CPM: variants seen among roughly 807,000 people sequenced by gnomAD.
CPM encodes the protein carboxypeptidase M.
Under a neutral mutation model 46.4 loss-of-function variants are expected in CPM, and 35 were observed. That is an observed-to-expected ratio of 0.75 (90% CI 0.58 to 1.00). The LOEUF (loss-of-function observed/expected upper bound fraction) is 1.00, where lower values mean the gene tolerates loss of function less well. CPM is among the 50% of genes least tolerant of loss of function. The pLI, the probability that CPM is intolerant of heterozygous loss-of-function variation, is 0.00. For missense variants in CPM, 422 were observed against 530.4 expected (o/e 0.80, Z 2.01); for synonymous variants, 195 against 195.3 (o/e 1.00, Z 0.01).
chr12:68,893,090 G>A lies in CPM; in HGVS notation c.161-7201C>T, dbSNP rs117157234. The stretch of plus-strand genomic sequence containing the variant: ...CATGGCACATGTATACCTATGTAAC[G>A]AACCTGCATGCTCTGCACACGTATC... On this transcript the variant is annotated intron_variant, in intron 2 of 8. Transcript: ENST00000551568. Among the ~76,000 whole-genome samples, 47 of 145,614 alleles carry A rather than the reference G, an allele frequency of 3.2e-4. 1 individual carries two copies. In the East Asian group the frequency reaches 8.5e-3, roughly 26 times the overall value.
intron 3 of CPM, among the ~76,000 whole-genome samples, chr12:68,881,692 A>G (rs1342443988): frequency 1.3e-5 from 2 of 151,604 alleles, no homozygotes; most frequent in African/African-American, 4.9e-5. Context: ...TTTTTCTAAC[A>G]TGAACATATG....
intron 2 of CPM, among the ~76,000 whole-genome samples, chr12:68,890,575 G>A (rs1886614568): frequency 6.6e-6 from 1 of 151,980 alleles, no homozygotes; most frequent in African/African-American, 2.4e-5. Context: ...GAGGATCTAA[G>A]GCTGCCTCAA....
At chr12:68,866,470 A>T (rs1565769612) in intron 7 of CPM, among the ~76,000 whole-genome samples, 2 of 152,084 alleles carry the variant, frequency 1.3e-5, no homozygotes. Flanking sequence ...CAGCCTCCCA[A>T]GTAACTGGGA....
intron 5 of CPM, chr12:68,844,809 C>G: frequency 5.0e-6 from 1 of 201,010 alleles, no homozygotes; most frequent in Non-Finnish European, 1.0e-5. Flanking sequence ...CTCTGTGGCT[C>G]AGGCTGGAGT....
intron 1 of CPM, among the ~76,000 whole-genome samples, chr12:68,961,771 C>CAAAT (rs796574135): frequency 1.5e-5 from 2 of 132,072 alleles, no homozygotes; most frequent in South Asian, 5.0e-4. Context: ...AACAGACAAA[C>CAAAT]AACAACAAAA....
At chr12:68,904,730 G>A (rs1027442283) in intron 2 of CPM, among the ~76,000 whole-genome samples, 8 of 152,180 alleles carry the variant, frequency 5.3e-5, no homozygotes, top group Admixed American at 1.3e-4. Context: ...ACAGAGACCC[G>A]TGAGAAAGCA....
At chr12:68,935,003 A>G (rs926227825), upstream of CPM, among the ~76,000 whole-genome samples, 23 of 151,890 alleles carry the variant, frequency 1.5e-4, no homozygotes, top group Non-Finnish European at 5.9e-5. Flanking sequence ...ACCTCCTCTC[A>G]GGTTCAAGCA....
chr12:68,849,241 C>G (rs757813616), downstream of CPM: 1 of 151,490 alleles, frequency 6.6e-6, no homozygotes, highest in Non-Finnish European at 1.5e-5. Context: ...AGGGGTCCAC[C>G]ACCACACCTG....
chr12:68,851,059 T>C (rs1047333389), downstream of CPM: 5 of 152,566 alleles, frequency 3.3e-5, no homozygotes, highest in African/African-American at 1.2e-4. Flanking sequence ...TCATAAAAGG[T>C]CATTAAGTTT....
At chr12:68,932,552 G>A in intron 2 of CPM, 126 bp downstream of exon 2, 2 of 1,096,562 alleles carry the variant, frequency 1.8e-6, no homozygotes, top group Non-Finnish European at 2.6e-6. Context: ...GCACGGTACC[G>A]GTTGACTTGT....
intron 2 of CPM, among the ~76,000 whole-genome samples, chr12:68,920,299 T>C (rs1887979700): frequency 6.6e-6 from 1 of 152,134 alleles, no homozygotes; most frequent in Non-Finnish European, 1.5e-5. Flanking sequence ...TGTAAATAAA[T>C]CTCTCCAGTT....
chr12:68,909,675 G>A (rs570082377), intron 2 of CPM, among the ~76,000 whole-genome samples: 1 of 152,224 alleles, frequency 6.6e-6, no homozygotes, highest in East Asian at 1.9e-4. Context: ...ATGAGTTCAT[G>A]TCCTTTGCAG....
At chr12:68,916,381 T>G (rs1887804676) in intron 2 of CPM, among the ~76,000 whole-genome samples, 1 of 152,216 alleles carries the variant, frequency 6.6e-6, no homozygotes, top group Non-Finnish European at 1.5e-5. Flanking sequence ...TAATAAGTTT[T>G]AGACATAAAA....
chr12:68,905,734 A>G (rs1483280465), intron 2 of CPM, among the ~76,000 whole-genome samples: 1 of 152,160 alleles, frequency 6.6e-6, no homozygotes, highest in Non-Finnish European at 1.5e-5. Context: ...GAGGCTTAAG[A>G]AAGAGGCTGA....
At chr12:68,935,680 A>G (rs1012899713), upstream of CPM, among the ~76,000 whole-genome samples, 29 of 151,002 alleles carry the variant, frequency 1.9e-4, no homozygotes, top group African/African-American at 6.8e-4. Flanking sequence ...GCTAAATGTT[A>G]TTTCCACTGG....
intron 3 of CPM, among the ~76,000 whole-genome samples, chr12:68,875,148 G>T (rs111843593): frequency 6.6e-6 from 1 of 151,544 alleles, no homozygotes; most frequent in East Asian, 2.0e-4. Flanking sequence ...GTCAGGAGTT[G>T]GAGACCAGCC....
At chr12:68,903,824 C>T (rs58212338) in intron 2 of CPM, among the ~76,000 whole-genome samples, 21,768 of 151,912 alleles carry the variant, frequency 0.14, 1,860 homozygotes, top group African/African-American at 0.23. Flanking sequence ...CTCTGTCCGT[C>T]CCGCCGTCCG....
chr12:68,929,295 C>G (rs1441034709), intron 2 of CPM, among the ~76,000 whole-genome samples: 2 of 152,092 alleles, frequency 1.3e-5, no homozygotes, highest in African/African-American at 4.8e-5. Flanking sequence ...GCCTTTTGCT[C>G]AGCAAATATT....
intron 7 of CPM, among the ~76,000 whole-genome samples, chr12:68,864,682 AC>A (rs1423208168): frequency 6.6e-6 from 1 of 152,088 alleles, no homozygotes; most frequent in Non-Finnish European, 1.5e-5. Flanking sequence ...GCACGCCCAT[AC>A]CCATGTTGAT....
Sources: allele counts gnomAD v4.1 joint callset (sites outside exome capture counted in the v4.1 genomes callset), GRCh38; gene constraint gnomAD v4.1.1; transcripts MANE v1.5; gene names NCBI Gene and HGNC (gene_info 2026-07-23, HGNC 2026-07-21).